The following PDZRN4 variants were observed in gnomAD, a reference collection of about 807,000 sequenced individuals.
PDZRN4 encodes the protein PDZ domain containing ring finger 4.
PDZRN4 carries 70 observed loss-of-function variants against 99.0 expected under a neutral mutation model. The observed-to-expected ratio is 0.71, with a 90% CI of 0.58 to 0.86. The LOEUF is 0.86. PDZRN4 is among the 40% of genes least tolerant of loss of function. PDZRN4 has a pLI of 0.00. For missense variants in PDZRN4, 1,474 were observed against 1,331.2 expected, an observed-to-expected ratio of 1.11 and a Z score of -1.67; for synonymous variants, 551 against 501.6, an observed-to-expected ratio of 1.10 and a Z score of -1.32.
intron 3 of PDZRN4, among the ~76,000 whole-genome samples, chr12:41,484,134 C>T (rs542448610): frequency 6.6e-6 from 1 of 152,226 alleles, no homozygotes; most frequent in East Asian, 1.9e-4. Context: ...CTCTATCACA[C>T]AGAGAACTTA....
At chr12:41,419,044 T>C (rs1429410681) in intron 3 of PDZRN4, among the ~76,000 whole-genome samples, 2 of 152,178 alleles carry the variant, frequency 1.3e-5, no homozygotes, top group Non-Finnish European at 2.9e-5. Context: ...CCTGTGCTAA[T>C]TTGTATTATT....
At chr12:41,460,819 A>AT (rs1442965977) in intron 3 of PDZRN4, among the ~76,000 whole-genome samples, 2 of 152,206 alleles carry the variant, frequency 1.3e-5, no homozygotes, top group Admixed American at 6.5e-5. Flanking sequence ...AAATGCACAT[A>AT]TAACTCTAGA....
chr12:41,414,815 G>A (rs1414443494), intron 3 of PDZRN4, among the ~76,000 whole-genome samples: 1 of 152,160 alleles, frequency 6.6e-6, no homozygotes, highest in Non-Finnish European at 1.5e-5. Flanking sequence ...CCAGAGGAAA[G>A]GTGTCCCAGA....
rs548988476 is a variant in PDZRN4 at position 41,523,282 on chromosome 12, A to G, written c.1203+13369A>G. ...AGAAAAATGGCTGCCAGTTTTCCCA[A>G]TTAGCTGAAAGGTCCCTCTCATGTA... is the stretch of plus-strand genomic sequence containing the variant. On this transcript the variant is annotated intron_variant, in intron 5 of 9. Coordinates refer to ENST00000402685, the MANE Select transcript of PDZRN4 (RefSeq NM_001164595.2). Among the ~76,000 whole-genome samples the G allele has an allele frequency of 4.6e-5, 7 of 152,212 alleles. No homozygotes were observed. In the South Asian group the frequency reaches 1.4e-3, roughly 32 times the overall value.
rs1386926001 is a variant in PDZRN4, at chr12:41,555,886, C to T, written c.1365+126C>T. 5 of 570,464 alleles carry T rather than the reference C, an allele frequency of 8.8e-6. No homozygotes were observed. The Admixed American group carries it at 1.5e-4, about 17-fold the overall frequency. The allele number at this position is 570,464 out of a possible 1,614,324, so 35.3% of individuals were successfully genotyped here. The stretch of plus-strand genomic sequence containing the variant: ...TTTTGGATACTAACATCTACAAAAC[C>T]AAAAAAAAAAAGTGCTGTCATTTAA... On this transcript the variant is annotated intron_variant, in intron 7 of 9. Coordinates refer to ENST00000402685, the MANE Select transcript of PDZRN4 (RefSeq NM_001164595.2).
intron 3 of PDZRN4, chr12:41,437,938 T>A: frequency 6.2e-7 from 1 of 1,613,950 alleles, no homozygotes; most frequent in Non-Finnish European, 8.5e-7. Context: ...TCTCTCTGCT[T>A]CTTAGAATGG....
At chr12:41,253,595 A>G (rs1460256910) in intron 3 of PDZRN4, among the ~76,000 whole-genome samples, 1 of 152,190 alleles carries the variant, frequency 6.6e-6, no homozygotes, top group Non-Finnish European at 1.5e-5. Flanking sequence ...TCCTCAAAAA[A>G]CTAAAACTAA....
At chr12:41,295,301 AT>A (rs1195642791) in intron 3 of PDZRN4, among the ~76,000 whole-genome samples, 1 of 152,226 alleles carries the variant, frequency 6.6e-6, no homozygotes, top group East Asian at 1.9e-4. Context: ...ATTGAGGTCA[AT>A]TACAAAGAGT....
At chr12:41,202,561 T>A (rs1017696700) in intron 3 of PDZRN4, among the ~76,000 whole-genome samples, 1 of 152,064 alleles carries the variant, frequency 6.6e-6, no homozygotes, top group Non-Finnish European at 1.5e-5. Flanking sequence ...CATGGCTTTA[T>A]AGACAGTACT....
intron 3 of PDZRN4, among the ~76,000 whole-genome samples, chr12:41,233,585 G>A (rs2120762585): frequency 6.6e-6 from 1 of 152,142 alleles, no homozygotes; most frequent in Middle Eastern, 3.4e-3. Flanking sequence ...TGGCACATAT[G>A]CACCATGGAG....
chr12:41,286,336 C>CTTTTTTTTTTTT (rs71081721), intron 3 of PDZRN4, among the ~76,000 whole-genome samples: 66 of 106,238 alleles, frequency 6.2e-4, no homozygotes, highest in East Asian at 1.1e-3. Flanking sequence ...CCTTCTTCTT[C>CTTTTTTTTTTTT]TTTTTTTTTT....
At chr12:41,329,215 T>C (rs868554494) in intron 3 of PDZRN4, among the ~76,000 whole-genome samples, 1 of 152,202 alleles carries the variant, frequency 6.6e-6, no homozygotes, top group Middle Eastern at 3.4e-3. Context: ...AAAACCTCCT[T>C]TGAAGCATTC....
intron 5 of PDZRN4, 53 bp downstream of exon 5, chr12:41,509,966 G>A: frequency 1.2e-6 from 1 of 820,164 alleles, no homozygotes; most frequent in Admixed American, 2.3e-5. Context: ...ACGGTTGAGG[G>A]GTTTTGTATA....
chr12:41,334,348 G>A (rs1951759128), intron 3 of PDZRN4, among the ~76,000 whole-genome samples: 1 of 147,044 alleles, frequency 6.8e-6, no homozygotes. Context: ...TAAATATAAT[G>A]AAGCTTTAGA....
intron 8 of PDZRN4, among the ~76,000 whole-genome samples, chr12:41,564,129 C>T (rs1185826292): frequency 6.6e-6 from 1 of 152,130 alleles, no homozygotes; most frequent in East Asian, 1.9e-4. Context: ...GAAGAAGCTC[C>T]ACGAGAGAAA....
At chr12:41,275,959 A>T (rs1210945053) in intron 3 of PDZRN4, among the ~76,000 whole-genome samples, 1 of 152,118 alleles carries the variant, frequency 6.6e-6, no homozygotes, top group Admixed American at 6.6e-5. Context: ...TGAGTTTCGG[A>T]GTTGGGTAAA....
Position 41,552,429 on chromosome 12 carries a change from T to C in PDZRN4, c.1204-227T>C, listed in dbSNP as rs151066404. 7.2e-3 allele frequency among the ~76,000 whole-genome samples: 1,097 copies of C among 152,278 alleles called. 12 individuals carry two copies. The highest frequency in any genetic ancestry group is 9.0e-3 in the Non-Finnish European group (614 of 68,024). On this transcript the variant is annotated intron_variant, in intron 5 of 9. Coordinates refer to ENST00000402685, the MANE Select transcript of PDZRN4 (RefSeq NM_001164595.2). ...TGACAGCTTGATGCAAACAACTGTGTATCTCCAAACTTACAACAAAAATAT... is the reference window on the plus strand; with the variant it reads ...TGACAGCTTGATGCAAACAACTGTGCATCTCCAAACTTACAACAAAAATAT...
chr12:41,487,026 A>G (rs1937789831), intron 3 of PDZRN4, among the ~76,000 whole-genome samples: 1 of 150,560 alleles, frequency 6.6e-6, no homozygotes, highest in Non-Finnish European at 1.5e-5. Context: ...AAATACTACA[A>G]CTCCCCTCCT....
At chr12:41,377,736 A>C (rs941328066) in intron 3 of PDZRN4, among the ~76,000 whole-genome samples, 8 of 152,170 alleles carry the variant, frequency 5.3e-5, no homozygotes, top group Non-Finnish European at 1.5e-5. Context: ...TAAGTATTAT[A>C]GATTTGAGTC....
Sources: gnomAD v4.1 joint callset for allele counts (sites outside exome capture counted in the v4.1 genomes callset) on GRCh38, gnomAD v4.1.1 for gene constraint, MANE v1.5 for transcripts, NCBI Gene and HGNC (gene_info 2026-07-23, HGNC 2026-07-21) for gene names.